Variants in GBP4 observed in about 807,000 individuals in gnomAD.
GBP4 encodes guanylate binding protein 4, also known as guanylate-binding protein 4.
A neutral mutation model predicts 62.2 loss-of-function variants in GBP4; 69 were observed. The ratio of observed to expected loss-of-function variants is 1.11; its 90% confidence interval spans 0.91 to 1.36. The LOEUF is 1.36. Among genes scored for constraint, GBP4 ranks in the 40% most tolerant of loss-of-function variants. The probability of loss-of-function intolerance (pLI) is 0.00; values close to 1 mark genes in which losing one functional copy is unlikely to be tolerated. For missense variants in GBP4, 697 were observed against 759.3 expected, an observed-to-expected ratio of 0.92 and a Z score of 0.96; for synonymous variants, 278 against 274.6, an observed-to-expected ratio of 1.01 and a Z score of -0.12.
At position 89,193,028 on chromosome 1, in the gene GBP4, G is replaced by A. The variant is rs186821951; in HGVS notation, c.546C>T (p.Ser182=). 163 of 1,614,154 alleles carry A rather than the reference G, an allele frequency of 1.0e-4. 1 individual carries two copies. The East Asian group carries it at 3.1e-3, about 31-fold the overall frequency. ...CPRPDEAEDS[S]EFASFFPDFI... is the part of the protein sequence containing the mutation. ...AGTCTGGAAAGAAACTCGCAAACTC[G>A]CTGGAGTCCTCAGCTTCATCAGGTC... is the stretch of plus-strand genomic sequence containing the variant. Residue 182 remains serine (S), a synonymous_variant, in exon 5 of 11, where the codon AGC becomes AGT. Transcript: ENST00000355754.
rs551457653 is a variant in GBP4 at position 89,186,525 on chromosome 1, C to T, written c.1515G>A (p.Ala505=). Reference sequence around the variant, plus strand: ...CAGCTGCTTCCTTCATGGCCCGCTCCGCTATTCCACAAAGGTTTTAGAGAG... The same window carrying T: ...CAGCTGCTTCCTTCATGGCCCGCTCTGCTATTCCACAAAGGTTTTAGAGAG... The part of the protein sequence containing the change: ...ALTAGEKAIA[A]ERAMKEAAEK... Residue 505 remains alanine, a splice_region_variant and synonymous_variant, in exon 10 of 11, where the codon GCG becomes GCA. Coordinates refer to ENST00000355754, the MANE Select transcript of GBP4 (RefSeq NM_052941.5). 45 of 1,613,408 alleles carry T rather than the reference C, an allele frequency of 2.8e-5. No individual in the cohort carries two copies. In the Middle Eastern group the frequency reaches 5.0e-4, roughly 18 times the overall value.
chr1:89,198,801 T>A lies in GBP4; in HGVS notation c.34A>T (p.Thr12Ser). 6.2e-7 allele frequency: 1 copy of A among 1,613,658 alleles called. No homozygotes were observed. The highest frequency in any genetic ancestry group is 8.5e-7 in the Non-Finnish European group (1 of 1,179,544). Reference sequence around the variant, plus strand: ...AGCTTAAGAGCAAACTTACCTGGTGTGGGCACTGCAGCGTGAAGAGTTCTC... The same window carrying A: ...AGCTTAAGAGCAAACTTACCTGGTGAGGGCACTGCAGCGTGAAGAGTTCTC... ...GERTLHAAVP[T>S]PGYPESESIM... Residue 12 changes from threonine to serine, a missense_variant, in exon 1 of 11, where the codon ACA becomes TCA. Physicochemically the swap from Thr to Ser is moderately conservative, Grantham distance 58. This residue lies in a region of GBP4 where 556 missense variants were observed against 562.7 expected (regional missense o/e 0.99). Coordinates refer to ENST00000355754, the MANE Select transcript of GBP4 (RefSeq NM_052941.5).
intron 8 of GBP4, 78 bp downstream of exon 8, chr1:89,188,504 T>C (rs1014725940): frequency 8.7e-7 from 1 of 1,155,494 alleles, no homozygotes; most frequent in Non-Finnish European, 1.3e-6. Flanking sequence ...TGGTGCTATA[T>C]TCTTAGATTT....
chr1:89,186,915 A>T, intron 9 of GBP4, 85 bp downstream of exon 9: 1 of 1,250,752 alleles, frequency 8.0e-7, no homozygotes, highest in Non-Finnish European at 1.1e-6. Flanking sequence ...AGCTCCTTTT[A>T]ACTGGAATAT....
chr1:89,189,039 T>C (rs1416608407), intron 7 of GBP4, among the ~76,000 whole-genome samples: 1 of 152,244 alleles, frequency 6.6e-6, no homozygotes, highest in African/African-American at 2.4e-5. Flanking sequence ...ATAAACTCTA[T>C]GGTTCTTTTA....
rs2100672886 is a variant in GBP4, at chr1:89,185,323, C to T, written c.1854G>A (p.Met618Ile). Residue 618 changes from methionine (M) to isoleucine (I), a missense_variant, in exon 11 of 11, where the codon ATG becomes ATA. Coordinates refer to ENST00000355754, the MANE Select transcript of GBP4 (RefSeq NM_052941.5). ...TGGAAGCCCCAGGTAGAGTGACAATCATTATGTTGCTAGCCATGTCAAGGA... is the reference window on the plus strand; with the variant it reads ...TGGAAGCCCCAGGTAGAGTGACAATTATTATGTTGCTAGCCATGTCAAGGA... ...LKILDMASNI[M>I]IVTLPGASKL... The T allele has an allele frequency of 6.2e-7, 1 of 1,613,688 alleles. No individual in the cohort carries two copies. The highest frequency in any genetic ancestry group is 1.7e-5 in the Admixed American group (1 of 60,022).
At chr1:89,191,581 T>A (rs1648190230) in intron 5 of GBP4, 75 bp from the exon 6 acceptor site, 2 of 1,441,488 alleles carry the variant, frequency 1.4e-6, no homozygotes, top group East Asian at 4.6e-5. Flanking sequence ...TTTCCAGGGA[T>A]CTTTGCATCC....
chr1:89,197,315 G>A lies in GBP4; in HGVS notation c.41-11C>T. 2 of 1,603,034 alleles carry A rather than the reference G, an allele frequency of 1.2e-6. No individual in the cohort carries two copies. Among genetic ancestry groups the A allele is most frequent in the Admixed American group, 1.7e-5 (1 of 57,790 alleles). ...CAGATTCTGGATAACCTGTAACCCA[G>A]AAAAAAATACTCAGTAGAATACAAG... On this transcript the variant is annotated splice_polypyrimidine_tract_variant and intron_variant, in intron 1 of 10. Transcript: ENST00000355754.
At chr1:89,194,712 G>A (rs1553128604) in intron 3 of GBP4, among the ~76,000 whole-genome samples, 1 of 152,122 alleles carries the variant, frequency 6.6e-6, no homozygotes, top group Non-Finnish European at 1.5e-5. Flanking sequence ...AGAAGTCAGT[G>A]GAGAATTAAT....
Position 89,185,245 on chromosome 1 carries a change from T to G in GBP4, c.*9A>C. 6.6e-7 allele frequency: 1 copy of G among 1,523,458 alleles called. No individual in the cohort carries two copies. The highest frequency in any genetic ancestry group is 9.1e-7 in the Non-Finnish European group (1 of 1,100,440). 94.4% of individuals were successfully genotyped at this position (1,523,458 alleles called of 1,614,324 possible). On this transcript the variant is annotated 3_prime_UTR_variant, in exon 11 of 11. Coordinates refer to ENST00000355754, the MANE Select transcript of GBP4 (RefSeq NM_052941.5). Reference sequence around the variant, plus strand: ...ATTTTATATTTTCTTACCTGGAATATTCAGGCTCTTAAATACGTGAGCCAA... The same window carrying G: ...ATTTTATATTTTCTTACCTGGAATAGTCAGGCTCTTAAATACGTGAGCCAA...
Position 89,181,985 on chromosome 1 carries a change from C to G in GBP4, c.*3269G>C, listed in dbSNP as rs1221398367. On this transcript the variant is annotated 3_prime_UTR_variant, in exon 11 of 11. Coordinates refer to ENST00000355754, the MANE Select transcript of GBP4 (RefSeq NM_052941.5). ...TATATAATGAGAATTACAAGATACC[C>G]CTGAAAGAAATAAGAGATGTCACAA... The G allele has an allele frequency of 6.6e-6, 1 of 152,042 alleles. No individual in the cohort carries two copies. The highest frequency in any genetic ancestry group is 2.1e-4 in the South Asian group (1 of 4,826). The allele number at this position is 152,042 out of a possible 1,614,324, so 9.4% of individuals were successfully genotyped here.
rs992168255 is a variant in GBP4, at chr1:89,187,044, A to G, written c.1469T>C (p.Leu490Pro). ...AGCAGTGAGGGCTTTGTCTGACTGC[A>G]GGATGGATTCCTCTACAACCACCTG... The part of the protein sequence containing the change: ...QSQVVVEESI[L>P]QSDKALTAGE... Residue 490 changes from leucine (L) to proline (P), a missense_variant, in exon 9 of 11, where the codon CTG becomes CCG. By Grantham distance (98) the Leu-to-Pro change is moderately conservative. Around this residue, in one of 2 missense-constraint regions of GBP4, gnomAD observed 141 missense variants for 196.6 expected, o/e 0.72. Coordinates refer to ENST00000355754, the MANE Select transcript of GBP4 (RefSeq NM_052941.5). 3.1e-6 allele frequency: 5 copies of G among 1,614,006 alleles called. No homozygotes were observed. In the Admixed American group the frequency reaches 6.7e-5, roughly 22 times the overall value.
chr1:89,195,450 AC>A (rs1365041725), intron 2 of GBP4, 26 bp from the exon 3 acceptor site: 1 of 1,612,348 alleles, frequency 6.2e-7, no homozygotes, highest in African/African-American at 1.3e-5. Context: ...AAAATAACAA[AC>A]AGTAACAGTG....
At chr1:89,188,876 T>C (rs1335621332) in intron 7 of GBP4, 82 bp from the exon 8 acceptor site, 1 of 1,396,432 alleles carries the variant, frequency 7.2e-7, no homozygotes, top group Non-Finnish European at 1.0e-6. Flanking sequence ...GAAGAAGTAG[T>C]CTGAAGGCCT....
rs1647960818 is a variant in GBP4, at chr1:89,184,022, AAAAC to A, written c.*1228_*1231del. ...GAAGCTTCAAAAAATTTACAAGCGAAAAACAAGCAACCCCATTAAAAAGAAAGTG... is the reference window on the plus strand; with the variant it reads ...GAAGCTTCAAAAAATTTACAAGCGAAAAGCAACCCCATTAAAAAGAAAGTG... On this transcript the variant is annotated 3_prime_UTR_variant, in exon 11 of 11. Transcript: ENST00000355754. The A allele has an allele frequency of 6.6e-6, 1 of 152,250 alleles. No individual in the cohort carries two copies. Among genetic ancestry groups the A allele is most frequent in the South Asian group, 2.1e-4 (1 of 4,832 alleles). The allele number at this position is 152,250 out of a possible 1,614,324, so 9.4% of individuals were successfully genotyped here. A position where few individuals can be genotyped will look rare whatever the true frequency, so the allele number is the denominator to read the frequency against.
intron 3 of GBP4, among the ~76,000 whole-genome samples, chr1:89,193,664 A>C (rs1267849628): frequency 6.6e-6 from 1 of 152,236 alleles, no homozygotes; most frequent in African/African-American, 2.4e-5. Flanking sequence ...CCTAGAACAT[A>C]ATAGGTGCCA....
chr1:89,187,605 C>A (rs1648069358), intron 8 of GBP4, among the ~76,000 whole-genome samples: 2 of 151,970 alleles, frequency 1.3e-5, no homozygotes, highest in Non-Finnish European at 2.9e-5. Flanking sequence ...ATCTAAAATA[C>A]AAAAGGAAAT....
Position 89,188,643 on chromosome 1 carries a change from T to C in GBP4, c.1349A>G (p.Tyr450Cys), listed in dbSNP as rs777621867. The C allele has an allele frequency of 7.4e-6, 12 of 1,614,230 alleles. No homozygotes were observed. Among genetic ancestry groups the C allele is most frequent in the Middle Eastern group, 1.6e-4 (1 of 6,062 alleles). Reference protein sequence around the residue: ...IFSVPGGHNLYLEEKKQVEWD... With the variant: ...IFSVPGGHNLCLEEKKQVEWD... ...CTCAACCTGTTTCTTTTCTTCTAAG[T>C]AGAGATTGTGTCCTCCAGGAACAGA... Residue 450 changes from tyrosine (Y) to cysteine (C), a missense_variant, in exon 8 of 11, where the codon TAC (tyrosine) becomes TGC (cysteine). This residue lies in a region of GBP4 where 556 missense variants were observed against 562.7 expected (regional missense o/e 0.99). Coordinates refer to ENST00000355754, the MANE Select transcript of GBP4 (RefSeq NM_052941.5).
chr1:89,193,769 A>G (rs1453380546), intron 3 of GBP4, among the ~76,000 whole-genome samples: 2 of 152,200 alleles, frequency 1.3e-5, no homozygotes, highest in Non-Finnish European at 2.9e-5. Context: ...AAAACTTTAC[A>G]TTGTGTATCT....
Sources: allele counts gnomAD v4.1 joint callset (sites outside exome capture counted in the v4.1 genomes callset), GRCh38; gene constraint gnomAD v4.1.1; regional missense constraint gnomAD v4.1.1; transcripts MANE v1.5; gene names NCBI Gene and HGNC (gene_info 2026-07-23, HGNC 2026-07-21).